RBL1: variants seen among roughly 807,000 people sequenced by gnomAD.
The protein encoded by RBL1 is retinoblastoma-like protein 1.
In RBL1, 82 loss-of-function variants were observed where a neutral mutation model predicts 123.0. The observed-to-expected ratio is 0.67, with a 90% confidence interval of 0.56 to 0.80. RBL1 has a LOEUF of 0.80. Among genes scored for constraint, RBL1 ranks in the 30% least tolerant of loss-of-function variants. RBL1 has a pLI of 0.00. For synonymous variants in RBL1, 405 were observed against 441.3 expected (o/e 0.92, Z 1.03); for missense variants, 1,171 against 1,299.6 (o/e 0.90, Z 1.52).
intron 18 of RBL1, 44 bp from the exon 19 acceptor site, chr20:37,018,413 T>A (rs765753667): frequency 6.4e-7 from 1 of 1,558,316 alleles, no homozygotes; most frequent in East Asian, 2.3e-5. Flanking sequence ...GTCACAGAGG[T>A]ACAGGTTAAA....
At chr20:37,022,985 G>A (rs968726215) in intron 16 of RBL1, among the ~76,000 whole-genome samples, 159 bp from the exon 17 acceptor site, 1 of 152,102 alleles carries the variant, frequency 6.6e-6, no homozygotes, top group Non-Finnish European at 1.5e-5. Context: ...ATGGCAGGAG[G>A]ATATAGATTA....
intron 2 of RBL1, among the ~76,000 whole-genome samples, chr20:37,075,691 G>A (rs1464231125): frequency 6.6e-6 from 1 of 152,034 alleles, no homozygotes; most frequent in Non-Finnish European, 1.5e-5. Flanking sequence ...CCTGACCTCA[G>A]GTGATCCACC....
chr20:37,018,966 A>G (rs1298498362), intron 18 of RBL1, among the ~76,000 whole-genome samples: 10 of 152,084 alleles, frequency 6.6e-5, no homozygotes, highest in Admixed American at 5.2e-4. Flanking sequence ...ACAAAATAAA[A>G]CAAACAAACA....
chr20:37,003,714 G>A lies in RBL1; in HGVS notation c.3024C>T (p.Gly1008=), dbSNP rs1485015314. Reference sequence around the variant, plus strand: ...CTATTCACCTTACCTTAGAAGGGCTGCCATTGAACTTGTACAGCAGAGCGC... The same window carrying A: ...CTATTCACCTTACCTTAGAAGGGCTACCATTGAACTTGTACAGCAGAGCGC... The part of the protein sequence containing the change: ...PRSALLYKFN[G]SPSKSLKDIN... The change falls in exon 21 of 22, where the codon GGC becomes GGT. Residue 1008 remains glycine, a synonymous_variant. Transcript: ENST00000373664. 1.2e-6 allele frequency: 2 copies of A among 1,609,996 alleles called. No homozygotes were observed. The highest frequency in any genetic ancestry group is 2.2e-5 in the East Asian group (1 of 44,794).
chr20:37,081,802 T>C (rs1464262043), intron 2 of RBL1: 3 of 332,538 alleles, frequency 9.0e-6, no homozygotes, highest in Non-Finnish European at 1.8e-5. Context: ...TAATTCCAGC[T>C]CCATCAAGTG....
At chr20:37,017,010 G>GAGACGAGACA (rs912561811) in intron 19 of RBL1, among the ~76,000 whole-genome samples, 1 of 151,818 alleles carries the variant, frequency 6.6e-6, no homozygotes, top group South Asian at 2.1e-4. Context: ...AAGACGAGAC[G>GAGACGAGACA]AGACGAGACA....
intron 19 of RBL1, among the ~76,000 whole-genome samples, chr20:37,016,952 G>A (rs2064264568): frequency 6.8e-6 from 1 of 146,340 alleles, no homozygotes; most frequent in South Asian, 2.3e-4. Context: ...GGGGGATGGG[G>A]ATGGGAAGAA....
At position 37,040,239 on chromosome 20, in the gene RBL1, T is replaced by G. The variant is rs776984052; in HGVS notation, c.1817A>C (p.Gln606Pro). The change falls in exon 14 of 22, where the codon CAG becomes CCG. Residue 606 changes from glutamine (Q) to proline (P), a missense_variant. Gln to Pro is a moderately conservative substitution (Grantham distance 76, BLOSUM62 -1). Coordinates refer to ENST00000373664, the MANE Select transcript of RBL1 (RefSeq NM_002895.5). The stretch of plus-strand genomic sequence containing the variant: ...CATTGGCATCAGGGGAAGATGTCCC[T>G]GCACATTTCCTCCATTTCCTGTTTC... ...NFETGNGGNV[Q>P]GHLPLMPMSP... 2.5e-6 allele frequency: 4 copies of G among 1,614,180 alleles called. No homozygotes were observed. Among genetic ancestry groups the G allele is most frequent in the Non-Finnish European group, 2.5e-6 (3 of 1,180,014 alleles).
chr20:37,028,399 T>TTTGG (rs2064457876), intron 16 of RBL1, among the ~76,000 whole-genome samples: 1 of 151,862 alleles, frequency 6.6e-6, no homozygotes, highest in Non-Finnish European at 1.5e-5. Context: ...GGGTGGTGAC[T>TTTGG]CACACAGTAA....
At chr20:37,039,063 GA>G in intron 14 of RBL1, among the ~76,000 whole-genome samples, 1 of 152,184 alleles carries the variant, frequency 6.6e-6, no homozygotes, top group Non-Finnish European at 1.5e-5. Flanking sequence ...GTGGTCAGGA[GA>G]TTTTAACTGA....
chr20:37,065,390 G>A (rs768510642), intron 7 of RBL1, 34 bp downstream of exon 7: 3 of 1,456,484 alleles, frequency 2.1e-6, no homozygotes, highest in Non-Finnish European at 2.8e-6. Flanking sequence ...GACAGCTTGT[G>A]ATAAGCCAGG....
At chr20:37,014,701 C>A (rs2064221848) in intron 19 of RBL1, among the ~76,000 whole-genome samples, 1 of 151,884 alleles carries the variant, frequency 6.6e-6, no homozygotes, top group African/African-American at 2.4e-5. Flanking sequence ...GAGGTCAAGG[C>A]TGCAGTGAGC....
At chr20:37,046,178 G>T (rs577619735) in intron 12 of RBL1, among the ~76,000 whole-genome samples, 1 of 152,282 alleles carries the variant, frequency 6.6e-6, no homozygotes, top group Non-Finnish European at 1.5e-5. Flanking sequence ...GGCTTTATTA[G>T]TTAGACCACC....
chr20:37,067,842 T>A, intron 3 of RBL1, 144 bp downstream of exon 3: 1 of 821,056 alleles, frequency 1.2e-6, no homozygotes. Flanking sequence ...TTTCCAAATA[T>A]GGATAATTGT....
intron 16 of RBL1, among the ~76,000 whole-genome samples, chr20:37,024,448 A>G (rs563682695): frequency 6.6e-6 from 1 of 152,352 alleles, no homozygotes; most frequent in Non-Finnish European, 1.5e-5. Flanking sequence ...TATCTTTTAC[A>G]GAGCTGATCC....
chr20:37,069,857 C>T (rs2065255596), intron 2 of RBL1, among the ~76,000 whole-genome samples: 1 of 150,966 alleles, frequency 6.6e-6, no homozygotes, highest in African/African-American at 2.4e-5. Flanking sequence ...GGGGGGTCAG[C>T]CCCCCGCCCG....
intron 9 of RBL1, among the ~76,000 whole-genome samples, chr20:37,060,695 G>A (rs1409976245): frequency 1.3e-5 from 2 of 151,704 alleles, no homozygotes; most frequent in East Asian, 3.9e-4. Context: ...AGGTGGGAGA[G>A]TTGCTTGAGC....
At chr20:37,029,856 A>T (rs1456910891) in intron 16 of RBL1, among the ~76,000 whole-genome samples, 2 of 152,222 alleles carry the variant, frequency 1.3e-5, no homozygotes, top group Non-Finnish European at 2.9e-5. Context: ...CATCAAAAAG[A>T]ATACTTAGGA....
intron 19 of RBL1, among the ~76,000 whole-genome samples, chr20:37,010,706 C>A (rs2146208257): frequency 6.6e-6 from 1 of 152,304 alleles, no homozygotes; most frequent in South Asian, 2.1e-4. Flanking sequence ...TATAGGACCA[C>A]TGTTGTATGT....
Sources: gnomAD v4.1 joint callset for allele counts (sites outside exome capture counted in the v4.1 genomes callset) on GRCh38, gnomAD v4.1.1 for gene constraint, MANE v1.5 for transcripts, NCBI Gene and HGNC (gene_info 2026-07-23, HGNC 2026-07-21) for gene names.